The following EPHA10 variants were observed in gnomAD, a reference collection of about 807,000 sequenced individuals.
The protein encoded by EPHA10 is ephrin type-A receptor 10.
A neutral mutation model predicts 109.7 loss-of-function variants in EPHA10; 120 were observed. The observed-to-expected ratio is 1.09, with a 90% confidence interval of 0.94 to 1.27. The LOEUF (loss-of-function observed/expected upper bound fraction) is 1.27. EPHA10 is among the 50% of genes most tolerant of loss of function. EPHA10 has a pLI of 0.00. For missense variants in EPHA10, 1,396 were observed against 1,411.1 expected (o/e 0.99, Z 0.17); for synonymous variants, 640 against 618.9 (o/e 1.03, Z -0.51).
Position 37,720,851 on chromosome 1 carries a change from C to A in EPHA10, c.2147-7G>T. On this transcript the variant is annotated splice_region_variant and splice_polypyrimidine_tract_variant and intron_variant, in intron 11 of 16. Transcript: ENST00000373048. ...ACAATCATCAAGGTGCTTCCTGTGC[C>A]CAGGGATGGGAACACACATGCTAAG... The A allele has an allele frequency of 6.2e-7, 1 of 1,614,006 alleles. No homozygotes were observed. The highest frequency in any genetic ancestry group is 8.5e-7 in the Non-Finnish European group (1 of 1,179,980).
chr1:37,724,775 G>A (rs1336739258), intron 8 of EPHA10, among the ~76,000 whole-genome samples: 1 of 152,120 alleles, frequency 6.6e-6, no homozygotes, highest in Non-Finnish European at 1.5e-5. Flanking sequence ...TGACAGCCTG[G>A]GCTCGGAACC....
chr1:37,762,063 C>A lies in EPHA10; in HGVS notation c.192G>T (p.Val64=). The A allele has an allele frequency of 6.3e-7, 1 of 1,593,502 alleles. No homozygotes were observed. Among genetic ancestry groups the A allele is most frequent in the South Asian group, 1.1e-5 (1 of 87,622 alleles). ...TGCGGATGGGACGGTCGTGTTCATC[C>A]ACGCCGCTGATCTCCTCCCACTGGG... ...PSNGWEEISG[V]DEHDRPIRTY... Residue 64 remains valine, a synonymous_variant, in exon 3 of 17, where the codon GTG becomes GTT. Transcript: ENST00000373048.
chr1:37,731,698 G>A, intron 6 of EPHA10, 116 bp from the exon 7 acceptor site: 7 of 1,195,794 alleles, frequency 5.9e-6, no homozygotes, highest in Non-Finnish European at 8.0e-6. Flanking sequence ...TGTGGGCTGA[G>A]TGCGAAAACC....
chr1:37,720,155 C>T, intron 13 of EPHA10, 97 bp from the exon 14 acceptor site: 1 of 1,499,642 alleles, frequency 6.7e-7, no homozygotes, highest in East Asian at 2.4e-5. Context: ...TGTCATCCTC[C>T]CAGGCAACCC....
chr1:37,742,880 A>T (rs1486359522), intron 5 of EPHA10, among the ~76,000 whole-genome samples: 1 of 152,106 alleles, frequency 6.6e-6, no homozygotes, highest in African/African-American at 2.4e-5. Context: ...CTGCAGTCCT[A>T]GCCACTTGGG....
At chr1:37,735,203 C>A in intron 6 of EPHA10, 54 bp downstream of exon 6, 1 of 1,552,158 alleles carries the variant, frequency 6.4e-7, no homozygotes, top group Non-Finnish European at 8.7e-7. Flanking sequence ...GAACCAGAAG[C>A]CCTGCGGGAC....
chr1:37,731,314 AC>A, intron 7 of EPHA10, 96 bp downstream of exon 7: 1 of 1,323,268 alleles, frequency 7.6e-7, no homozygotes, highest in East Asian at 2.5e-5. Context: ...TGCACAGATA[AC>A]TCCAGATAAC....
At chr1:37,752,165 C>T (rs1317731901) in intron 5 of EPHA10, among the ~76,000 whole-genome samples, 1 of 152,176 alleles carries the variant, frequency 6.6e-6, no homozygotes, top group Admixed American at 6.5e-5. Context: ...AGGTCCACCC[C>T]AGCTGAGAAG....
rs1476278723 is a variant in EPHA10 at position 37,717,363 on chromosome 1, G to A, written c.*1009C>T. ...AGGGAAGTGGTGGTGCCATAGGGCA[G>A]GACCAAGGACTCTCTCCCCAGAGCC... On this transcript the variant is annotated 3_prime_UTR_variant, in exon 17 of 17. Coordinates refer to ENST00000373048, the MANE Select transcript of EPHA10 (RefSeq NM_001099439.2). The A allele has an allele frequency of 1.7e-5, 4 of 232,270 alleles. No homozygotes were observed. Among genetic ancestry groups the A allele is most frequent in the African/African-American group, 8.8e-5 (4 of 45,242 alleles). 14.4% of individuals were successfully genotyped at this position (232,270 alleles called of 1,614,324 possible).
intron 5 of EPHA10, among the ~76,000 whole-genome samples, chr1:37,739,016 G>A (rs539533684): frequency 6.5e-4 from 99 of 152,240 alleles, no homozygotes; most frequent in African/African-American, 2.2e-3. Flanking sequence ...TGGAGGGTAG[G>A]GGGAGGGATA....
intron 5 of EPHA10, among the ~76,000 whole-genome samples, chr1:37,742,706 C>T (rs1225882889): frequency 1.5e-5 from 1 of 68,508 alleles, no homozygotes; most frequent in Non-Finnish European, 3.4e-5. Flanking sequence ...TCAGTTAGGG[C>T]CCAGCACTGT....
At chr1:37,762,106 G>T in intron 2 of EPHA10, 23 bp from the exon 3 acceptor site, 1 of 1,548,784 alleles carries the variant, frequency 6.5e-7, no homozygotes, top group Non-Finnish European at 8.7e-7. Flanking sequence ...GTAAAGGGGT[G>T]GGCAGCCCAG....
chr1:37,752,811 G>T, intron 5 of EPHA10, 65 bp downstream of exon 5: 1 of 1,140,356 alleles, frequency 8.8e-7, no homozygotes, highest in Non-Finnish European at 1.1e-6. Context: ...CGACGGGGCG[G>T]CCCCAAGAGG....
intron 5 of EPHA10, among the ~76,000 whole-genome samples, chr1:37,751,439 C>T (rs1360927367): frequency 1.0e-4 from 15 of 149,190 alleles, no homozygotes; most frequent in East Asian, 4.0e-4. Context: ...TGTGGTGGTG[C>T]GCACCTGTAA....
intron 8 of EPHA10, 24 bp from the exon 9 acceptor site, chr1:37,723,396 C>T (rs199906265): frequency 6.4e-5 from 103 of 1,613,044 alleles, no homozygotes; most frequent in Admixed American, 4.5e-4. Context: ...CAGGGTCATT[C>T]TTTCAGCCAG....
chr1:37,725,446 C>G (rs908749855), intron 8 of EPHA10, among the ~76,000 whole-genome samples: 2 of 142,168 alleles, frequency 1.4e-5, no homozygotes, highest in African/African-American at 2.7e-5. Context: ...GCAGAGGCTG[C>G]ACTGAGCTGA....
downstream of EPHA10, among the ~76,000 whole-genome samples, chr1:37,715,469 A>G (rs1326214837): frequency 6.6e-6 from 1 of 151,470 alleles, no homozygotes; most frequent in Non-Finnish European, 1.5e-5. Context: ...TGGCCGGGTG[A>G]CCTCCTTCTC....
In EPHA10 at chr1:37,752,916, T is replaced by A; in HGVS notation, c.1317A>T (p.Gly439=). ...AGACGGTGACCTGCGCGTAGGTGGT[T>A]CCCGCGGCGGCCGCCGGGCCCGAGA... The part of the protein sequence containing the change: ...NGVSGPAAAA[G]TTYAQVTVST... The change falls in exon 5 of 17, where the codon GGA becomes GGT. Residue 439 remains glycine, a synonymous_variant. Coordinates refer to ENST00000373048, the MANE Select transcript of EPHA10 (RefSeq NM_001099439.2). 7.6e-7 allele frequency: 1 copy of A among 1,310,280 alleles called. No individual in the cohort carries two copies. Among genetic ancestry groups the A allele is most frequent in the South Asian group, 2.2e-5 (1 of 46,494 alleles). The allele number at this position is 1,310,280 out of a possible 1,614,324, so 81.2% of individuals were successfully genotyped here.
At position 37,718,009 on chromosome 1, in the gene EPHA10, C is replaced by T. The variant is rs1431532573; in HGVS notation, c.*363G>A. On this transcript the variant is annotated 3_prime_UTR_variant, in exon 17 of 17. Coordinates refer to ENST00000373048, the MANE Select transcript of EPHA10 (RefSeq NM_001099439.2). ...CACCCCACGGGGTAGGCCCCAGCCC[C>T]CAGTGGGTACAAATGGCAGTAGGGC... The T allele has an allele frequency of 3.2e-6, 1 of 308,146 alleles. No homozygotes were observed. Among genetic ancestry groups the T allele is most frequent in the East Asian group, 5.2e-5 (1 of 19,342 alleles). The allele number at this position is 308,146 out of a possible 1,614,324, so 19.1% of individuals were successfully genotyped here.
Sources: allele counts gnomAD v4.1 joint callset (sites outside exome capture counted in the v4.1 genomes callset), GRCh38; gene constraint gnomAD v4.1.1; transcripts MANE v1.5; gene names NCBI Gene and HGNC (gene_info 2026-07-23, HGNC 2026-07-21).